Variants in ACOXL observed in about 807,000 individuals in gnomAD.
ACOXL encodes the protein acyl-coenzyme A oxidase-like protein.
Under a neutral mutation model 71.9 loss-of-function variants are expected in ACOXL, and 70 were observed. The ratio of observed to expected loss-of-function variants is 0.97; its 90% CI spans 0.80 to 1.19. The LOEUF (loss-of-function observed/expected upper bound fraction) is 1.19, where lower values mean the gene tolerates loss of function less well. Ranked by LOEUF, ACOXL falls within the 50% of genes most tolerant of loss-of-function variation. The pLI, the probability that ACOXL is intolerant of heterozygous loss-of-function variation, is 0.00. For synonymous variants in ACOXL, 253 were observed against 281.6 expected (o/e 0.90, Z 1.02); for missense variants, 703 against 736.3 (o/e 0.95, Z 0.52).
chr2:111,042,576 G>A (rs560516396), intron 15 of ACOXL, among the ~76,000 whole-genome samples: 30 of 152,342 alleles, frequency 2.0e-4, no homozygotes, highest in Admixed American at 8.5e-4. Context: ...GAATGACAAG[G>A]GGCCTGCCTT....
At chr2:111,008,554 G>T (rs2063984941) in intron 14 of ACOXL, among the ~76,000 whole-genome samples, 1 of 152,024 alleles carries the variant, frequency 6.6e-6, no homozygotes, top group Admixed American at 6.5e-5. Context: ...CCCAACCTTT[G>T]GTCATTACAA....
intron 16 of ACOXL, among the ~76,000 whole-genome samples, chr2:111,073,578 T>C (rs1165241410): frequency 6.6e-6 from 1 of 152,170 alleles, no homozygotes; most frequent in Non-Finnish European, 1.5e-5. Flanking sequence ...GACATATTTG[T>C]GTAGAATTAT....
chr2:110,765,386 T>C (rs1158770357), intron 1 of ACOXL, among the ~76,000 whole-genome samples: 1 of 152,112 alleles, frequency 6.6e-6, no homozygotes, highest in East Asian at 1.9e-4. Flanking sequence ...CAGTCTCTCT[T>C]TTTTTTGCTT....
chr2:111,027,970 G>A (rs2065090641), intron 14 of ACOXL, among the ~76,000 whole-genome samples: 2 of 152,018 alleles, frequency 1.3e-5, no homozygotes, highest in Admixed American at 1.3e-4. Flanking sequence ...CAGATCACTC[G>A]AGCCCAGGAG....
chr2:111,060,129 G>A (rs1463256898), intron 16 of ACOXL, among the ~76,000 whole-genome samples: 1 of 152,118 alleles, frequency 6.6e-6, no homozygotes, highest in Non-Finnish European at 1.5e-5. Flanking sequence ...TAGGGAGCTG[G>A]GGTTTTCATC....
chr2:110,892,301 T>C (rs958979005), intron 10 of ACOXL, among the ~76,000 whole-genome samples: 2 of 152,132 alleles, frequency 1.3e-5, no homozygotes, highest in Non-Finnish European at 2.9e-5. Flanking sequence ...AAGAACGCCC[T>C]GAAATGAAGT....
chr2:110,846,668 C>CACACACACAT (rs1191896768), intron 10 of ACOXL, among the ~76,000 whole-genome samples: 2 of 151,686 alleles, frequency 1.3e-5, no homozygotes, highest in Admixed American at 1.3e-4. Context: ...CACACACACA[C>CACACACACAT]ACACACAGTG....
chr2:111,023,011 G>A (rs2064844008), intron 14 of ACOXL, among the ~76,000 whole-genome samples: 1 of 152,120 alleles, frequency 6.6e-6, no homozygotes, highest in Admixed American at 6.5e-5. Context: ...GCCTCTACTT[G>A]TCTATAAAAA....
intron 15 of ACOXL, among the ~76,000 whole-genome samples, chr2:111,041,577 CAG>C (rs1460975388): frequency 1.3e-5 from 2 of 152,054 alleles, no homozygotes; most frequent in African/African-American, 4.8e-5. Flanking sequence ...GATGTGGTGA[CAG>C]TGGCTGCCGC....
At chr2:110,972,803 T>C (rs1343663196) in intron 12 of ACOXL, among the ~76,000 whole-genome samples, 1 of 152,068 alleles carries the variant, frequency 6.6e-6, no homozygotes, top group Non-Finnish European at 1.5e-5. Context: ...AACAACAAAT[T>C]GTGAGAATAC....
chr2:110,952,869 T>A (rs981338158), intron 12 of ACOXL, among the ~76,000 whole-genome samples: 1 of 152,234 alleles, frequency 6.6e-6, no homozygotes, highest in African/African-American at 2.4e-5. Context: ...TGATAACTTT[T>A]CTTTTTAAAT....
chr2:110,976,075 G>A (rs2062430664), intron 12 of ACOXL, among the ~76,000 whole-genome samples: 1 of 152,168 alleles, frequency 6.6e-6, no homozygotes, highest in Non-Finnish European at 1.5e-5. Context: ...GGACCCATTG[G>A]AAGAGATTAG....
At chr2:110,775,483 A>G (rs1408808197) in intron 2 of ACOXL, among the ~76,000 whole-genome samples, 2 of 152,208 alleles carry the variant, frequency 1.3e-5, no homozygotes, top group African/African-American at 4.8e-5. Context: ...AAATATTTGC[A>G]TGTTATATGT....
chr2:110,963,565 ATGTGTGTGTGTGTGTGTGTGTG>A (rs57092184), intron 12 of ACOXL: 294 of 1,450,484 alleles, frequency 2.0e-4, no homozygotes, highest in South Asian at 6.5e-4. Context: ...CAAATTTGAA[ATGTGTGTGTGTGTGTGTGTGTG>A]TGTGTGTGTG....
chr2:110,803,672 C>G (rs906103177), intron 8 of ACOXL, among the ~76,000 whole-genome samples: 1 of 152,138 alleles, frequency 6.6e-6, no homozygotes, highest in African/African-American at 2.4e-5. Flanking sequence ...ATAAATTGGA[C>G]TTCATCGAAG....
In ACOXL at chr2:110,824,450, C is replaced by T. The variant is rs543349869; in HGVS notation, c.754-16921C>T. On this transcript the variant is annotated intron_variant, in intron 9 of 17. Coordinates refer to ENST00000439055, the MANE Select transcript of ACOXL (RefSeq NM_001142807.4). ...CCATAAAGTGACACCTTAACAACCT[C>T]GAATCCTCTAATTCATTGATATGGA... Among the ~76,000 whole-genome samples the T allele has an allele frequency of 5.3e-5, 8 of 152,248 alleles. 1 individual carries two copies. In the South Asian group the frequency reaches 8.3e-4, roughly 16 times the overall value.
At chr2:111,048,810 A>G (rs2066145747) in intron 15 of ACOXL, among the ~76,000 whole-genome samples, 1 of 152,176 alleles carries the variant, frequency 6.6e-6, no homozygotes, top group South Asian at 2.1e-4. Context: ...AGCCATGGAA[A>G]TCATGATGGA....
intron 12 of ACOXL, among the ~76,000 whole-genome samples, chr2:110,972,614 G>T (rs2062248799): frequency 2.0e-5 from 3 of 147,512 alleles, no homozygotes; most frequent in African/African-American, 7.5e-5. Flanking sequence ...ATGCATCTCT[G>T]TCTCTCTCAC....
intron 11 of ACOXL, among the ~76,000 whole-genome samples, chr2:110,917,870 G>A (rs1167606765): frequency 2.6e-5 from 4 of 152,140 alleles, no homozygotes; most frequent in Non-Finnish European, 4.4e-5. Flanking sequence ...CCTCTTCAAG[G>A]AGAACTACAA....
Sources: allele counts gnomAD v4.1 joint callset (sites outside exome capture counted in the v4.1 genomes callset), GRCh38; gene constraint gnomAD v4.1.1; transcripts MANE v1.5; gene names NCBI Gene and HGNC (gene_info 2026-07-23, HGNC 2026-07-21).